Variants in TREML4 observed in about 807,000 individuals in gnomAD.
TREML4 encodes the protein triggering receptor expressed on myeloid cells like 4.
In TREML4, 25 loss-of-function variants were observed where a neutral mutation model predicts 25.4. That is an observed-to-expected ratio of 0.98 (90% confidence interval 0.72 to 1.37). TREML4 has a LOEUF of 1.37. Ranked by LOEUF, TREML4 falls within the 40% of genes most tolerant of loss-of-function variation. The pLI, the probability that TREML4 is intolerant of heterozygous loss-of-function variation, is 0.00. For missense variants in TREML4, 268 were observed against 236.5 expected, an observed-to-expected ratio of 1.13 and a Z score of -0.87; for synonymous variants, 92 against 87.9, an observed-to-expected ratio of 1.05 and a Z score of -0.26.
Position 41,229,536 on chromosome 6 carries a change from C to T in TREML4, c.410C>T (p.Pro137Leu), listed in dbSNP as rs1472656034. Residue 137 changes from proline to leucine, a missense_variant, in exon 3 of 6, where the codon CCT becomes CTT. By Grantham distance (98) the Pro-to-Leu change is moderately conservative. Transcript: ENST00000341495. The stretch of plus-strand genomic sequence containing the variant: ...TTCTCTTTAGCCCCAACCACGTCTC[C>T]TATGTGGACTCTTCCCTGGCTCCCA... Reference protein sequence around the residue: ...LVVSPAPTTSPMWTLPWLPTS... With the variant: ...LVVSPAPTTSLMWTLPWLPTS... The T allele has an allele frequency of 8.1e-6, 13 of 1,613,918 alleles. No individual in the cohort carries two copies. Among genetic ancestry groups the T allele is most frequent in the Middle Eastern group, 1.7e-4 (1 of 6,060 alleles).
intron 4 of TREML4, among the ~76,000 whole-genome samples, chr6:41,232,695 T>C (rs1766825732): frequency 6.6e-6 from 1 of 152,196 alleles, no homozygotes; most frequent in South Asian, 2.1e-4. Flanking sequence ...TGGGAGACAG[T>C]GGCAGATGAT....
chr6:41,233,570 G>T (rs1013551907), intron 4 of TREML4, among the ~76,000 whole-genome samples: 1 of 151,878 alleles, frequency 6.6e-6, no homozygotes, highest in Non-Finnish European at 1.5e-5. Flanking sequence ...CATCATAAAC[G>T]TATATGTGCT....
intron 4 of TREML4, among the ~76,000 whole-genome samples, chr6:41,234,273 A>T (rs1766857845): frequency 6.6e-6 from 1 of 152,072 alleles, no homozygotes; most frequent in South Asian, 2.1e-4. Context: ...TAATATGACC[A>T]CTATATATCA....
At chr6:41,235,881 C>T (rs1336464476) in intron 4 of TREML4, among the ~76,000 whole-genome samples, 1 of 152,102 alleles carries the variant, frequency 6.6e-6, no homozygotes, top group African/African-American at 2.4e-5. Flanking sequence ...CTGACTTTAT[C>T]ATATATTATG....
intron 4 of TREML4, among the ~76,000 whole-genome samples, chr6:41,235,720 C>A (rs187271651): frequency 1.3e-5 from 2 of 152,230 alleles, no homozygotes; most frequent in East Asian, 3.9e-4. Flanking sequence ...ATGTCAATTT[C>A]TCCCAAATTA....
Position 41,238,870 on chromosome 6 carries a change from G to T in TREML4, c.*1851G>T, listed in dbSNP as rs1377055803. ...GCTTGGAAATTTTCATAATTAAAAT[G>T]GTACCTAAAATTAAACACTTGTGTC... On this transcript the variant is annotated 3_prime_UTR_variant, in exon 6 of 6. Coordinates refer to ENST00000341495, the MANE Select transcript of TREML4 (RefSeq NM_198153.3). 6.6e-6 allele frequency: 1 copy of T among 152,096 alleles called. No homozygotes were observed. Among genetic ancestry groups the T allele is most frequent in the Non-Finnish European group, 1.5e-5 (1 of 68,018 alleles). The allele number at this position is 152,096 out of a possible 1,614,324, so 9.4% of individuals were successfully genotyped here.
chr6:41,228,778 C>G lies in TREML4; in HGVS notation c.128C>G (p.Ser43Ter), dbSNP rs1582113836. 2 of 1,614,166 alleles carry G rather than the reference C, an allele frequency of 1.2e-6. No individual in the cohort carries two copies. Among genetic ancestry groups the G allele is most frequent in the Non-Finnish European group, 1.7e-6 (2 of 1,180,024 alleles). The change falls in exon 2 of 6, where the codon TCA (serine) becomes TGA (stop). Residue 43 changes from serine to a stop codon, truncating the protein, a stop_gained. Coordinates refer to ENST00000341495, the MANE Select transcript of TREML4 (RefSeq NM_198153.3). LOFTEE classifies it high-confidence loss of function. The part of the protein sequence containing the change: ...GQTLLLQCQY[S>*]PKRGPYQPKS... ...ACCCTCCTCCTGCAATGCCAGTACT[C>G]ACCCAAGAGAGGGCCCTATCAGCCC...
At chr6:41,231,131 T>G (rs1766787528) in intron 4 of TREML4, 1 of 438,288 alleles carries the variant, frequency 2.3e-6, no homozygotes, top group Non-Finnish European at 4.6e-6. Flanking sequence ...GATTCTACAT[T>G]ATGTTGAGTT....
At chr6:41,233,160 A>G (rs1399810095) in intron 4 of TREML4, among the ~76,000 whole-genome samples, 1 of 152,236 alleles carries the variant, frequency 6.6e-6, no homozygotes, top group African/African-American at 2.4e-5. Flanking sequence ...CAGCAAAATA[A>G]AACTCTAGCC....
intron 4 of TREML4, among the ~76,000 whole-genome samples, chr6:41,234,893 T>C (rs1350983997): frequency 6.6e-6 from 1 of 151,396 alleles, no homozygotes; most frequent in Non-Finnish European, 1.5e-5. Flanking sequence ...GTCATCAAAA[T>C]CTCAGAACTA....
chr6:41,228,945 C>G lies in TREML4; in HGVS notation c.295C>G (p.Leu99Val), dbSNP rs373300218. 1.5e-5 allele frequency: 24 copies of G among 1,613,950 alleles called. No individual in the cohort carries two copies. The highest frequency in any genetic ancestry group is 2.0e-5 in the Non-Finnish European group (24 of 1,179,896). Residue 99 changes from leucine to valine, a missense_variant, in exon 2 of 6, where the codon CTG (leucine) becomes GTG (valine). Physicochemically the swap from Leu to Val is conservative, Grantham distance 32 (BLOSUM62 1). Coordinates refer to ENST00000341495, the MANE Select transcript of TREML4 (RefSeq NM_198153.3). The stretch of plus-strand genomic sequence containing the variant: ...CTTCTTCAACATCACCATGATTCAG[C>G]TGACACAGAATGACTCGGGATTCTA... ...AGFFNITMIQLTQNDSGFYWC... is the reference protein window; with the variant it reads ...AGFFNITMIQVTQNDSGFYWC...
At chr6:41,230,490 A>G (rs980452247) in intron 4 of TREML4, among the ~76,000 whole-genome samples, 2 of 152,120 alleles carry the variant, frequency 1.3e-5, no homozygotes, top group Admixed American at 1.3e-4. Context: ...CCAGAGAAAG[A>G]TGAGAGGCAT....
rs1305164998 is a variant in TREML4 at position 41,238,013 on chromosome 6, G to C, written c.*994G>C. On this transcript the variant is annotated 3_prime_UTR_variant, in exon 6 of 6. Transcript: ENST00000341495. ...AGACTGGGATTCACCACTCAGAATG[G>C]GGGTCCACCATGAGCAACAGATTTG... is the stretch of plus-strand genomic sequence containing the variant. 1 of 152,158 alleles carries C rather than the reference G, an allele frequency of 6.6e-6. No homozygotes were observed. Among genetic ancestry groups the C allele is most frequent in the Non-Finnish European group, 1.5e-5 (1 of 68,046 alleles). 9.4% of individuals were successfully genotyped at this position (152,158 alleles called of 1,614,324 possible). A position where few individuals can be genotyped will look rare whatever the true frequency, so the allele number is the denominator to read the frequency against.
chr6:41,230,151 G>A (rs947769577), intron 4 of TREML4, 29 bp downstream of exon 4: 7 of 1,572,162 alleles, frequency 4.5e-6, no homozygotes, highest in Non-Finnish European at 6.1e-6. Context: ...CACTGGGAGG[G>A]AGGTCTTGGG....
chr6:41,229,940 C>A, intron 3 of TREML4, 122 bp from the exon 4 acceptor site: 1 of 825,538 alleles, frequency 1.2e-6, no homozygotes, highest in Non-Finnish European at 2.1e-6. Flanking sequence ...TTACCCTTAG[C>A]CTGAGGGACC....
chr6:41,228,996 G>A lies in TREML4; in HGVS notation c.346G>A (p.Glu116Lys), dbSNP rs534154487. The A allele has an allele frequency of 1.4e-5, 22 of 1,614,088 alleles. No homozygotes were observed. In the African/African-American group the frequency reaches 1.7e-4, roughly 13 times the overall value. Residue 116 changes from glutamate (E) to lysine (K), a missense_variant, in exon 2 of 6, where the codon GAA (glutamate) becomes AAA (lysine). Physicochemically the swap from Glu to Lys is moderately conservative, Grantham distance 56. Coordinates refer to ENST00000341495, the MANE Select transcript of TREML4 (RefSeq NM_198153.3). ...FYWCGIYNASENIITVLRNIS... is the reference protein window; with the variant it reads ...FYWCGIYNASKNIITVLRNIS... ...CTGGTGTGGAATCTACAACGCTTCC[G>A]AAAACATCATCACTGTTCTTAGAAA...
At chr6:41,233,626 A>G (rs1050859788) in intron 4 of TREML4, among the ~76,000 whole-genome samples, 7 of 66,440 alleles carry the variant, frequency 1.1e-4, no homozygotes, top group Non-Finnish European at 1.7e-4. Flanking sequence ...TCAGAAATGC[A>G]AGGAGAAATA....
rs1766937939 is a variant in TREML4 at position 41,238,201 on chromosome 6, C to T, written c.*1182C>T. On this transcript the variant is annotated 3_prime_UTR_variant, in exon 6 of 6. Coordinates refer to ENST00000341495, the MANE Select transcript of TREML4 (RefSeq NM_198153.3). ...CATCACCTATCTGTGAGAGGCATCG[C>T]TTTTGCTTTGTTTATTTATTTTTTT... 1 of 152,202 alleles carries T rather than the reference C, an allele frequency of 6.6e-6. No individual in the cohort carries two copies. Among genetic ancestry groups the T allele is most frequent in the Non-Finnish European group, 1.5e-5 (1 of 68,044 alleles). The allele number at this position is 152,202 out of a possible 1,614,324, so 9.4% of individuals were successfully genotyped here. A position where few individuals can be genotyped will look rare whatever the true frequency, so the allele number is the denominator to read the frequency against.
intron 4 of TREML4, among the ~76,000 whole-genome samples, chr6:41,236,123 G>C (rs1766891226): frequency 6.6e-6 from 1 of 151,778 alleles, no homozygotes. Flanking sequence ...GTGATATCTT[G>C]GCTGGTCTTG....
Sources: allele counts gnomAD v4.1 joint callset (sites outside exome capture counted in the v4.1 genomes callset), GRCh38; gene constraint gnomAD v4.1.1; transcripts MANE v1.5; gene names NCBI Gene and HGNC (gene_info 2026-07-23, HGNC 2026-07-21).